PREPL: variants seen among roughly 807,000 people sequenced by gnomAD.
PREPL encodes prolyl endopeptidase like.
In PREPL, 77 loss-of-function variants were observed where a neutral mutation model predicts 70.6. The ratio of observed to expected loss-of-function variants is 1.09; its 90% CI spans 0.91 to 1.32. The LOEUF (loss-of-function observed/expected upper bound fraction) is 1.32, where lower values mean the gene tolerates loss of function less well. Among genes scored for constraint, PREPL ranks in the 40% most tolerant of loss-of-function variants. The probability of loss-of-function intolerance (pLI) is 0.00; values close to 1 mark genes in which losing one functional copy is unlikely to be tolerated. For missense variants in PREPL, 1,002 were observed against 778.2 expected, an observed-to-expected ratio of 1.29 and a Z score of -3.42; for synonymous variants, 315 against 264.8, an observed-to-expected ratio of 1.19 and a Z score of -1.84.
In PREPL at chr2:44,321,439, C is replaced by T. The variant is rs752622472; in HGVS notation, c.1834G>A (p.Ala612Thr). The T allele has an allele frequency of 1.9e-6, 3 of 1,611,924 alleles. No homozygotes were observed. The African/African-American group carries it at 4.0e-5, about 22-fold the overall frequency. Reference protein sequence around the residue: ...VIEDSHKKITAQIKFLYEELG... With the variant: ...VIEDSHKKITTQIKFLYEELG... ...TCCTCGTACAGGAATTTAATTTGGG[C>T]TGTAATCTAAAAGAAACACATTAAA... is the stretch of plus-strand genomic sequence containing the variant. Residue 612 changes from alanine (A) to threonine (T), a missense_variant, in exon 14 of 14, where the codon GCC (alanine) becomes ACC (threonine). Coordinates refer to ENST00000409411, the MANE Select transcript of PREPL (RefSeq NM_001171613.2).
intron 1 of PREPL, among the ~76,000 whole-genome samples, chr2:44,358,609 G>A (rs1203214253): frequency 2.0e-5 from 3 of 152,204 alleles, no homozygotes; most frequent in East Asian, 3.9e-4. Flanking sequence ...TGAGAGGAAA[G>A]GGGACACTAT....
At position 44,321,452 on chromosome 2, in the gene PREPL, G is replaced by C. The variant is rs781459763; in HGVS notation, c.1828-7C>G. 1.2e-6 allele frequency: 2 copies of C among 1,609,798 alleles called. No homozygotes were observed. The highest frequency in any genetic ancestry group is 4.5e-5 in the East Asian group (2 of 44,790). Reference sequence around the variant, plus strand: ...ATTTAATTTGGGCTGTAATCTAAAAGAAACACATTAAAAAAATTAAATAGA... The same window carrying C: ...ATTTAATTTGGGCTGTAATCTAAAACAAACACATTAAAAAAATTAAATAGA... On this transcript the variant is annotated splice_region_variant and splice_polypyrimidine_tract_variant and intron_variant, in intron 13 of 13. Coordinates refer to ENST00000409411, the MANE Select transcript of PREPL (RefSeq NM_001171613.2).
chr2:44,359,219 C>T (rs1356063040), intron 1 of PREPL, among the ~76,000 whole-genome samples: 1 of 151,894 alleles, frequency 6.6e-6, no homozygotes, highest in African/African-American at 2.4e-5. Flanking sequence ...AGGTGGGTGC[C>T]ATGACGCCTA....
At chr2:44,355,662 A>C (rs978219151) in intron 1 of PREPL, among the ~76,000 whole-genome samples, 3 of 152,100 alleles carry the variant, frequency 2.0e-5, no homozygotes, top group Admixed American at 2.0e-4. Flanking sequence ...TCTAAAATGC[A>C]AATCTGATTG....
intron 7 of PREPL, among the ~76,000 whole-genome samples, chr2:44,337,447 T>C (rs537174520): frequency 1.3e-5 from 2 of 152,326 alleles, no homozygotes; most frequent in South Asian, 2.1e-4. Flanking sequence ...TTAACAGCTT[T>C]CGATTCTATA....
Position 44,344,606 on chromosome 2 carries a change from G to A in PREPL, c.76-20C>T. On this transcript the variant is annotated intron_variant, in intron 2 of 13. Coordinates refer to ENST00000409411, the MANE Select transcript of PREPL (RefSeq NM_001171613.2). ...TTTAACCTGACAAAAGAAACATGCA[G>A]TTTACTTAATAATAATTTAATTAAC... The A allele has an allele frequency of 1.3e-6, 2 of 1,546,644 alleles. No homozygotes were observed. The highest frequency in any genetic ancestry group is 1.8e-6 in the Non-Finnish European group (2 of 1,136,960).
At chr2:44,353,544 C>T (rs1011128923) in intron 1 of PREPL, among the ~76,000 whole-genome samples, 1 of 151,248 alleles carries the variant, frequency 6.6e-6, no homozygotes, top group African/African-American at 2.4e-5. Context: ...GCTGAGATGG[C>T]ACCACTGCAC....
chr2:44,318,814 CATT>C lies in PREPL; in HGVS notation c.*2539_*2541del, dbSNP rs1232076455. 1 of 152,086 alleles carries C rather than the reference CATT, an allele frequency of 6.6e-6. No individual in the cohort carries two copies. Among genetic ancestry groups the C allele is most frequent in the Non-Finnish European group, 1.5e-5 (1 of 68,006 alleles). The allele number at this position is 152,086 out of a possible 1,614,324, so 9.4% of individuals were successfully genotyped here. ...ACAAAATATAGTTCAATATGAAAAG[CATT>C]ATATGAGACAAAGGCAATTTTCAAA... On this transcript the variant is annotated 3_prime_UTR_variant, in exon 14 of 14. Coordinates refer to ENST00000409411, the MANE Select transcript of PREPL (RefSeq NM_001171613.2).
upstream of PREPL, chr2:44,361,675 T>C (rs988110984): frequency 4.5e-5 from 13 of 290,804 alleles, no homozygotes; most frequent in Non-Finnish European, 7.6e-5. Context: ...GACTTTTCGT[T>C]CTTCGCTAGT....
chr2:44,348,914 C>T (rs989275214), intron 1 of PREPL, among the ~76,000 whole-genome samples: 2 of 152,172 alleles, frequency 1.3e-5, no homozygotes, highest in Non-Finnish European at 2.9e-5. Flanking sequence ...ATATCATTAG[C>T]GTACACAGCT....
At chr2:44,333,471 A>G (rs1418365148) in intron 7 of PREPL, among the ~76,000 whole-genome samples, 1 of 152,058 alleles carries the variant, frequency 6.6e-6, no homozygotes, top group East Asian at 1.9e-4. Flanking sequence ...GTAATTGTAG[A>G]AAGAGCAAAT....
intron 3 of PREPL, 55 bp from the exon 4 acceptor site, chr2:44,344,006 T>G: frequency 6.5e-7 from 1 of 1,549,674 alleles, no homozygotes; most frequent in Non-Finnish European, 8.7e-7. Context: ...TTTAAAAAAT[T>G]AAAACTGTAT....
At chr2:44,359,841 A>G in intron 1 of PREPL, 1 of 650,132 alleles carries the variant, frequency 1.5e-6, no homozygotes, top group Non-Finnish European at 2.7e-6. Context: ...CCTCCTTTTC[A>G]GGGCCATGCC....
chr2:44,359,294 C>G (rs1189257268), intron 1 of PREPL, among the ~76,000 whole-genome samples: 1 of 152,080 alleles, frequency 6.6e-6, no homozygotes, highest in Non-Finnish European at 1.5e-5. Flanking sequence ...TCTCGAACTC[C>G]TGACCTCAGG....
Position 44,321,302 on chromosome 2 carries a change from G to T in PREPL, c.*54C>A. 7.1e-7 allele frequency: 1 copy of T among 1,400,102 alleles called. No homozygotes were observed. Among genetic ancestry groups the T allele is most frequent in the Non-Finnish European group, 1.0e-6 (1 of 1,002,930 alleles). 86.7% of individuals were successfully genotyped at this position (1,400,102 alleles called of 1,614,324 possible). The stretch of plus-strand genomic sequence containing the variant: ...TTTTTTTTTGCTAACTCAATTGGAA[G>T]TAAGACTATGAAATATTTCAGTGTG... On this transcript the variant is annotated 3_prime_UTR_variant, in exon 14 of 14. Transcript: ENST00000409411.
At chr2:44,339,733 C>A (rs12472538) in intron 5 of PREPL, among the ~76,000 whole-genome samples, 10,995 of 152,146 alleles carry the variant, frequency 0.072, 520 homozygotes, top group Non-Finnish European at 0.11. Context: ...AAACTACAAA[C>A]GTCATTTCTC....
intron 9 of PREPL, 86 bp from the exon 10 acceptor site, chr2:44,327,014 T>C: frequency 8.9e-7 from 1 of 1,127,310 alleles, no homozygotes; most frequent in East Asian, 2.6e-5. Context: ...TGGAGGCCTG[T>C]TTTTTGTGTG....
rs1221842598 is a variant in PREPL, at chr2:44,318,744, A to C, written c.*2612T>G. ...TAGTATGTATTCTTGTAATTGAATA[A>C]AAAATAAAATTACAAAAATCAGGCT... On this transcript the variant is annotated 3_prime_UTR_variant, in exon 14 of 14. Coordinates refer to ENST00000409411, the MANE Select transcript of PREPL (RefSeq NM_001171613.2). 6.6e-6 allele frequency: 1 copy of C among 152,202 alleles called. No homozygotes were observed. The highest frequency in any genetic ancestry group is 1.5e-5 in the Non-Finnish European group (1 of 68,036). 9.4% of individuals were successfully genotyped at this position (152,202 alleles called of 1,614,324 possible).
intron 1 of PREPL, among the ~76,000 whole-genome samples, chr2:44,347,812 C>T (rs1220076043): frequency 6.6e-6 from 1 of 151,992 alleles, no homozygotes; most frequent in African/African-American, 2.4e-5. Context: ...GATACTTTAC[C>T]AACATTGTAG....
Sources: allele counts gnomAD v4.1 joint callset (sites outside exome capture counted in the v4.1 genomes callset), GRCh38; gene constraint gnomAD v4.1.1; transcripts MANE v1.5; gene names NCBI Gene and HGNC (gene_info 2026-07-23, HGNC 2026-07-21).